Variants in LYST observed in about 807,000 individuals in gnomAD.
The protein encoded by LYST is lysosomal trafficking regulator, also known as lysosomal-trafficking regulator.
Under a neutral mutation model 413.6 loss-of-function variants are expected in LYST, and 192 were observed. The observed-to-expected ratio is 0.46, with a 90% confidence interval of 0.41 to 0.52. The LOEUF (loss-of-function observed/expected upper bound fraction) is 0.52, where lower values mean the gene tolerates loss of function less well. Ranked by LOEUF, LYST falls within the 20% of genes least tolerant of loss-of-function variation. LYST has a pLI of 0.00. For synonymous variants in LYST, 1,525 were observed against 1,567.3 expected (o/e 0.97, Z 0.64); for missense variants, 3,815 against 4,499.9 (o/e 0.85, Z 4.35).
At position 235,741,449 on chromosome 1, in the gene LYST, T is replaced by C. The variant is rs1358011599; in HGVS notation, c.8331A>G (p.Leu2777=). Residue 2777 remains leucine (L), a synonymous_variant, in exon 31 of 53, where the codon CTA becomes CTG. Transcript: ENST00000389793. ...GTAGGGATGGGCTGAGACAGTCTCG[T>C]AGTATTTCCTGATGATTTGGTTCAT... The part of the protein sequence containing the change: ...IVHEPNHQEI[L]RDCLSPSLQH... 8 of 1,614,080 alleles carry C rather than the reference T, an allele frequency of 5.0e-6. No individual in the cohort carries two copies. The Admixed American group carries it at 6.7e-5, about 13-fold the overall frequency.
intron 15 of LYST, 59 bp downstream of exon 15, chr1:235,781,868 A>G (rs1572239158): frequency 1.7e-6 from 2 of 1,208,796 alleles, no homozygotes; most frequent in East Asian, 4.7e-5. Flanking sequence ...TTTCAAAGGA[A>G]AAAAATCTCA....
At chr1:235,804,382 C>T in intron 7 of LYST, 122 bp downstream of exon 7, 2 of 793,160 alleles carry the variant, frequency 2.5e-6, no homozygotes, top group East Asian at 4.9e-5. Context: ...ATCCACTGAA[C>T]TCATCTGACC....
intron 28 of LYST, among the ~76,000 whole-genome samples, chr1:235,749,780 T>TA (rs199944067): frequency 1.3e-3 from 192 of 150,698 alleles, no homozygotes; most frequent in Non-Finnish European, 2.2e-3. Flanking sequence ...TGACTCAAAC[T>TA]AAAAAAAAAT....
At chr1:235,748,003 T>C (rs1284434913) in intron 28 of LYST, among the ~76,000 whole-genome samples, 1 of 152,158 alleles carries the variant, frequency 6.6e-6, no homozygotes, top group Non-Finnish European at 1.5e-5. Flanking sequence ...GGTACATGGT[T>C]GGTACTCAAG....
At chr1:235,803,584 A>C (rs1418328399) in intron 7 of LYST, among the ~76,000 whole-genome samples, 31 of 152,162 alleles carry the variant, frequency 2.0e-4, no homozygotes, top group Admixed American at 2.0e-3. Context: ...GAGTTCCAGT[A>C]CTAACTTCCT....
intron 19 of LYST, 132 bp downstream of exon 19, chr1:235,773,710 G>C: frequency 2.8e-6 from 2 of 719,242 alleles, no homozygotes; most frequent in East Asian, 2.7e-5. Flanking sequence ...ATGGATGGTG[G>C]TGATGGTTGG....
At chr1:235,763,291 TAAAC>T (rs1229804558) in intron 21 of LYST, among the ~76,000 whole-genome samples, 2 of 152,222 alleles carry the variant, frequency 1.3e-5, no homozygotes, top group Admixed American at 1.3e-4. Context: ...CTTGGTTTCT[TAAAC>T]AAATCACAAA....
rs145298434 is a variant in LYST at position 235,808,989 on chromosome 1, T to C, written c.1829A>G (p.His610Arg). Reference sequence around the variant, plus strand: ...AAGTTTGTTAAGGATATTCAATATATGCTGCTGAAAATTTTTCAGTGCTGG... The same window carrying C: ...AAGTTTGTTAAGGATATTCAATATACGCTGCTGAAAATTTTTCAGTGCTGG... ...KLPALKNFQQ[H>R]ILNILNKLIL... Residue 610 changes from histidine (H) to arginine (R), a missense_variant, in exon 5 of 53, where the codon CAT becomes CGT. Around this residue, in one of 4 missense-constraint regions of LYST, gnomAD observed 1,648 missense variants for 1,810.3 expected, o/e 0.91. Coordinates refer to ENST00000389793, the MANE Select transcript of LYST (RefSeq NM_000081.4). 5 of 1,614,010 alleles carry C rather than the reference T, an allele frequency of 3.1e-6. No individual in the cohort carries two copies. The highest frequency in any genetic ancestry group is 4.2e-6 in the Non-Finnish European group (5 of 1,179,984).
At chr1:235,725,519 G>GA (rs1269153418) in intron 38 of LYST, among the ~76,000 whole-genome samples, 4 of 152,050 alleles carry the variant, frequency 2.6e-5, no homozygotes, top group Non-Finnish European at 4.4e-5. Flanking sequence ...CTAGAGCATA[G>GA]AAAAAAAGCC....
At chr1:235,875,661 C>T (rs1681102266) in intron 1 of LYST, among the ~76,000 whole-genome samples, 1 of 152,152 alleles carries the variant, frequency 6.6e-6, no homozygotes, top group South Asian at 2.1e-4. Flanking sequence ...GCCTGGGCAA[C>T]ATGGCAAGAC....
chr1:235,851,188 G>GTGTA (rs151209766), intron 1 of LYST, among the ~76,000 whole-genome samples: 2 of 150,374 alleles, frequency 1.3e-5, no homozygotes, highest in Non-Finnish European at 3.0e-5. Flanking sequence ...ATATGTGTGT[G>GTGTA]TATATATATA....
At chr1:235,720,554 ATTC>A (rs1198881252) in intron 40 of LYST, 104 bp downstream of exon 40, 4 of 1,112,664 alleles carry the variant, frequency 3.6e-6, no homozygotes, top group Non-Finnish European at 5.4e-6. Context: ...GTCTTATATA[ATTC>A]TTCTATTTTG....
chr1:235,765,963 A>G, intron 21 of LYST, 116 bp downstream of exon 21: 1 of 848,552 alleles, frequency 1.2e-6, no homozygotes, highest in African/African-American at 1.7e-5. Context: ...TCCCAACCCC[A>G]ATATGTAATT....
At chr1:235,777,368 T>C (rs1669381721) in intron 16 of LYST, 60 bp from the exon 17 acceptor site, 1 of 1,457,626 alleles carries the variant, frequency 6.9e-7, no homozygotes. Flanking sequence ...AGCTATGAAC[T>C]AGCAAGTAAG....
rs765358506 is a variant in LYST at position 235,792,113 on chromosome 1, G to A, written c.4129C>T (p.Leu1377=). Residue 1377 remains leucine (L), a synonymous_variant, in exon 12 of 53, where the codon CTG becomes TTG. Coordinates refer to ENST00000389793, the MANE Select transcript of LYST (RefSeq NM_000081.4). ...EKSPCTKILL[L]GILKIIESDT... ...CTTTCAATAATTTTCAGAATACCCAGAAGAAGAATTTTCTAGAGAAAAAGA... is the reference window on the plus strand; with the variant it reads ...CTTTCAATAATTTTCAGAATACCCAAAAGAAGAATTTTCTAGAGAAAAAGA... The A allele has an allele frequency of 1.9e-6, 3 of 1,605,666 alleles. No homozygotes were observed. The highest frequency in any genetic ancestry group is 2.6e-6 in the Non-Finnish European group (3 of 1,173,038).
chr1:235,706,890 T>G (rs1662034104), intron 44 of LYST, among the ~76,000 whole-genome samples: 1 of 152,218 alleles, frequency 6.6e-6, no homozygotes, highest in African/African-American at 2.4e-5. Context: ...CTTTTTATTT[T>G]AAAGCTACTT....
chr1:235,698,723 T>A (rs1034480318), intron 45 of LYST, among the ~76,000 whole-genome samples: 6 of 151,752 alleles, frequency 4.0e-5, no homozygotes, highest in Admixed American at 3.9e-4. Context: ...TACAAAAAAA[T>A]TTAACTGGGC....
intron 45 of LYST, among the ~76,000 whole-genome samples, chr1:235,701,410 A>C (rs376008936): frequency 1.3e-5 from 2 of 152,062 alleles, no homozygotes; most frequent in African/African-American, 4.8e-5. Context: ...CGGGCAGATC[A>C]TGAGGCCAGG....
chr1:235,738,384 C>G, intron 31 of LYST: 1 of 1,613,164 alleles, frequency 6.2e-7, no homozygotes, highest in Non-Finnish European at 8.5e-7. Context: ...AAATACAGCC[C>G]GAACTGCAAG....
Sources: gnomAD v4.1 joint callset for allele counts (sites outside exome capture counted in the v4.1 genomes callset) on GRCh38, gnomAD v4.1.1 for gene constraint, gnomAD v4.1.1 regional missense constraint, MANE v1.5 for transcripts, NCBI Gene and HGNC (gene_info 2026-07-23, HGNC 2026-07-21) for gene names.